Variants in PCDHGB4 observed in about 807,000 individuals in gnomAD.
The protein encoded by PCDHGB4 is protocadherin gamma-B4.
PCDHGB4 carries 38 observed loss-of-function variants against 60.5 expected under a neutral mutation model. The observed-to-expected ratio is 0.63, with a 90% CI of 0.48 to 0.82. The LOEUF (loss-of-function observed/expected upper bound fraction) is 0.82, where lower values mean the gene tolerates loss of function less well. Ranked by LOEUF, PCDHGB4 falls within the 40% of genes least tolerant of loss-of-function variation. PCDHGB4 has a pLI of 0.00. For missense variants in PCDHGB4, 1,109 were observed against 1,209.6 expected (o/e 0.92, Z 1.23); for synonymous variants, 456 against 509.7 (o/e 0.89, Z 1.42).
Position 141,447,179 on chromosome 5 carries a change from G to A in PCDHGB4, c.2398-47628G>A, listed in dbSNP as rs558348683. ...GTTTAAGCGGGGTCTTGCTCTTGTC[G>A]CGCAGGCTGGAGTGCAATGGCTTGA... On this transcript the variant is annotated intron_variant, in intron 1 of 3. Transcript: ENST00000519479. 4.6e-4 allele frequency among the ~76,000 whole-genome samples: 70 copies of A among 151,826 alleles called. 1 individual carries two copies. The highest frequency in any genetic ancestry group is 3.9e-4 in the East Asian group (2 of 5,158).
In PCDHGB4 at chr5:141,477,074, A is replaced by G; in HGVS notation, c.2398-17733A>G. Reference sequence around the variant, plus strand: ...CTTCGAGGACACCAAACTCCATGAGATTTACATCCAGGCCAAAGACAAGGG... The same window carrying G: ...CTTCGAGGACACCAAACTCCATGAGGTTTACATCCAGGCCAAAGACAAGGG... On this transcript the variant is annotated intron_variant, in intron 1 of 3. Coordinates refer to ENST00000519479, the MANE Select transcript of PCDHGB4 (RefSeq NM_003736.4). This position sits in a 1 kb window ranked among gnomAD's most constrained non-coding sequence, Gnocchi z 4.9. 1 of 1,614,250 alleles carries G rather than the reference A, an allele frequency of 6.2e-7. No homozygotes were observed.
At chr5:141,484,598 T>C (rs2099598059) in intron 1 of PCDHGB4, among the ~76,000 whole-genome samples, 1 of 152,080 alleles carries the variant, frequency 6.6e-6, no homozygotes, top group Non-Finnish European at 1.5e-5. Flanking sequence ...TCATTTAGAA[T>C]ACTGGTTGAT....
At chr5:141,469,142 G>A (rs1473440049) in intron 1 of PCDHGB4, among the ~76,000 whole-genome samples, 3 of 152,024 alleles carry the variant, frequency 2.0e-5, no homozygotes, top group East Asian at 1.9e-4. Flanking sequence ...CAGAAATGGT[G>A]GCACATGTCT....
chr5:141,417,963 A>T (rs1260025037), intron 1 of PCDHGB4: 1 of 1,613,258 alleles, frequency 6.2e-7, no homozygotes, highest in Non-Finnish European at 8.5e-7. Flanking sequence ...CCGATCCGCT[A>T]CTCGATTCCG....
intron 1 of PCDHGB4, chr5:141,422,581 G>A (rs1223117895): frequency 3.7e-6 from 6 of 1,613,984 alleles, no homozygotes; most frequent in Non-Finnish European, 4.2e-6. Flanking sequence ...TAACCCTCCC[G>A]TTTTTCCTCA....
rs149649459 is a variant in PCDHGB4, at chr5:141,505,183, G to A, written c.2457-210G>A. ...TCTAAAACAAAAAGAAAAAAGCATC[G>A]GAGGCAGCAAAGAGCTGGTTTGAGG... On this transcript the variant is annotated intron_variant, in intron 2 of 3. Transcript: ENST00000519479. Among the ~76,000 whole-genome samples, 214 of 152,244 alleles carry A rather than the reference G, an allele frequency of 1.4e-3. 1 individual carries two copies. Among genetic ancestry groups the A allele is most frequent in the African/African-American group, 4.8e-3 (200 of 41,530 alleles).
intron 1 of PCDHGB4, 64 bp downstream of exon 1, chr5:141,390,345 A>G: frequency 6.3e-7 from 1 of 1,576,504 alleles, no homozygotes; most frequent in Non-Finnish European, 8.7e-7. Context: ...TTCACAAGAA[A>G]ATATACATAT....
chr5:141,399,109 A>G (rs1346301996), intron 1 of PCDHGB4: 4 of 1,613,714 alleles, frequency 2.5e-6, no homozygotes, highest in Admixed American at 3.3e-5. Context: ...TGCACAATGT[A>G]CAGTTGAAAT....
chr5:141,392,881 T>C, intron 1 of PCDHGB4: 6 of 1,613,564 alleles, frequency 3.7e-6, no homozygotes, highest in Non-Finnish European at 5.1e-6. Context: ...CTGGGAACGC[T>C]GTGGGAAATC....
At chr5:141,445,782 G>A (rs530081823) in intron 1 of PCDHGB4, among the ~76,000 whole-genome samples, 1 of 152,310 alleles carries the variant, frequency 6.6e-6, no homozygotes, top group East Asian at 1.9e-4. Flanking sequence ...AAGGGCTAGG[G>A]AGGCTAGAAA....
intron 1 of PCDHGB4, chr5:141,422,096 C>T: frequency 6.2e-7 from 1 of 1,610,710 alleles, no homozygotes; most frequent in Non-Finnish European, 8.5e-7. Context: ...AGCAAGGCTT[C>T]TGAAATATTC....
rs756216038 is a variant in PCDHGB4, at chr5:141,477,967, C to G, written c.2398-16840C>G. 1.9e-6 allele frequency: 3 copies of G among 1,614,032 alleles called. No homozygotes were observed. Among genetic ancestry groups the G allele is most frequent in the Admixed American group, 3.3e-5 (2 of 59,996 alleles). ...GTCTCTTGGGATCCCCTAACCAGAG[C>G]CTTTTTGCCATAGGGCTGCACACTG... On this transcript the variant is annotated intron_variant, in intron 1 of 3. Transcript: ENST00000519479. The surrounding 1 kb of genome is among the most constrained non-coding windows in gnomAD (Gnocchi z 4.9).
intron 1 of PCDHGB4, among the ~76,000 whole-genome samples, chr5:141,465,091 G>A (rs1689517062): frequency 6.7e-6 from 1 of 149,016 alleles, no homozygotes; most frequent in Non-Finnish European, 1.5e-5. Context: ...CATTTTTCTA[G>A]TAGTTTTTTT....
intron 1 of PCDHGB4, chr5:141,468,667 CCATCCTGGCTAA>C (rs2099172391): frequency 6.7e-6 from 1 of 149,836 alleles, no homozygotes; most frequent in African/African-American, 2.5e-5. Flanking sequence ...GAGATCAAGA[CCATCCTGGCTAA>C]CACGGTGAAA....
Position 141,477,876 on chromosome 5 carries a change from G to A in PCDHGB4, c.2398-16931G>A, listed in dbSNP as rs1412801533. The A allele has an allele frequency of 4.3e-6, 7 of 1,614,144 alleles. No individual in the cohort carries two copies. Among genetic ancestry groups the A allele is most frequent in the Non-Finnish European group, 5.9e-6 (7 of 1,180,030 alleles). ...ATGCTGCCTCGAGGTACCTCAGCTG[G>A]CCACCTAGTGTCACGGGTGGTAGGC... On this transcript the variant is annotated intron_variant, in intron 1 of 3. Coordinates refer to ENST00000519479, the MANE Select transcript of PCDHGB4 (RefSeq NM_003736.4). The surrounding 1 kb of genome is among the most constrained non-coding windows in gnomAD (Gnocchi z 4.9).
At position 141,489,084 on chromosome 5, in the gene PCDHGB4, C is replaced by CCGG; in HGVS notation, c.2398-5723_2398-5722insCGG. ...CTCCCCCCTGCCCACCCCCGCCACT[C>CCGG]GGTGACTAAGAACTGCTGCAAGCAG... On this transcript the variant is annotated intron_variant, in intron 1 of 3. Coordinates refer to ENST00000519479, the MANE Select transcript of PCDHGB4 (RefSeq NM_003736.4). This position sits in a 1 kb window ranked among gnomAD's most constrained non-coding sequence, Gnocchi z 4.5. The CCGG allele has an allele frequency of 3.0e-6, 1 of 329,134 alleles. No homozygotes were observed. The highest frequency in any genetic ancestry group is 2.5e-5 in the African/African-American group (1 of 40,384). 20.4% of individuals were successfully genotyped at this position (329,134 alleles called of 1,614,324 possible). A position where few individuals can be genotyped will look rare whatever the true frequency, so the allele number is the denominator to read the frequency against.
chr5:141,446,188 T>G (rs566309564), intron 1 of PCDHGB4, among the ~76,000 whole-genome samples: 28 of 152,326 alleles, frequency 1.8e-4, no homozygotes, highest in African/African-American at 6.3e-4. Context: ...TTTTGTTTAT[T>G]ATTATATTCC....
chr5:141,456,641 G>A (rs2098873674), intron 1 of PCDHGB4, among the ~76,000 whole-genome samples: 1 of 152,160 alleles, frequency 6.6e-6, no homozygotes, highest in South Asian at 2.1e-4. Context: ...TACTACAGGT[G>A]TTAATCCCAA....
intron 1 of PCDHGB4, chr5:141,399,237 A>G: frequency 6.2e-7 from 1 of 1,614,002 alleles, no homozygotes; most frequent in South Asian, 1.1e-5. Context: ...TACATGACCA[A>G]GATTCTGGGG....
Sources: allele counts gnomAD v4.1 joint callset (sites outside exome capture counted in the v4.1 genomes callset), GRCh38; gene constraint gnomAD v4.1.1; non-coding constraint Gnocchi (gnomAD v3.1); transcripts MANE v1.5; gene names NCBI Gene and HGNC (gene_info 2026-07-23, HGNC 2026-07-21).